Variants in TMEM106C observed in about 807,000 individuals in gnomAD.
TMEM106C encodes the protein transmembrane protein 106C.
TMEM106C carries 27 observed loss-of-function variants against 30.8 expected under a neutral mutation model. The observed-to-expected ratio is 0.88, with a 90% CI of 0.65 to 1.21. The LOEUF is 1.21. TMEM106C is among the 50% of genes most tolerant of loss of function. The probability of loss-of-function intolerance (pLI) is 0.00; values close to 1 mark genes in which losing one functional copy is unlikely to be tolerated. For synonymous variants in TMEM106C, 123 were observed against 118.8 expected (o/e 1.04, Z -0.23); for missense variants, 288 against 307.8 (o/e 0.94, Z 0.48).
intron 1 of TMEM106C, 90 bp from the exon 2 acceptor site, chr12:47,964,119 T>C (rs1938139320): frequency 8.7e-7 from 1 of 1,152,986 alleles, no homozygotes; most frequent in Admixed American, 2.2e-5. Context: ...CAACTTGTCA[T>C]TTTTGCGTTT....
At position 47,966,071 on chromosome 12, in the gene TMEM106C, T is replaced by C; in HGVS notation, c.412-18T>C. 1 of 1,614,266 alleles carries C rather than the reference T, an allele frequency of 6.2e-7. No homozygotes were observed. Among genetic ancestry groups the C allele is most frequent in the South Asian group, 1.1e-5 (1 of 91,090 alleles). ...ACCCAGGACACTTACACTTGTTTCC[T>C]GACTTGCCCTGATGTAGGCCACCCT... On this transcript the variant is annotated intron_variant, in intron 4 of 7. Coordinates refer to ENST00000429772, the MANE Select transcript of TMEM106C (RefSeq NM_001143842.2).
rs1384662613 is a variant in TMEM106C, at chr12:47,968,871, T to C, written c.*642T>C. On this transcript the variant is annotated 3_prime_UTR_variant, in exon 8 of 8. Transcript: ENST00000429772. Reference sequence around the variant, plus strand: ...TTTGATAGAAAAATAAACCCTGCTTTTGATTCATCTGTGTCTCCTCTGATT... The same window carrying C: ...TTTGATAGAAAAATAAACCCTGCTTCTGATTCATCTGTGTCTCCTCTGATT... The C allele has an allele frequency of 1.3e-5, 2 of 157,730 alleles. No individual in the cohort carries two copies. The highest frequency in any genetic ancestry group is 6.2e-5 in the Admixed American group (1 of 16,120). The allele number at this position is 157,730 out of a possible 1,614,324, so 9.8% of individuals were successfully genotyped here. A position where few individuals can be genotyped will look rare whatever the true frequency, so the allele number is the denominator to read the frequency against.
chr12:47,963,832 A>AG, intron 1 of TMEM106C, 128 bp downstream of exon 1: 1 of 259,830 alleles, frequency 3.8e-6, no homozygotes, highest in Non-Finnish European at 7.5e-6. Context: ...GGAATCGTTA[A>AG]GGCCGGTTAT....
chr12:47,966,789 C>A, intron 6 of TMEM106C, 57 bp downstream of exon 6: 1 of 1,589,342 alleles, frequency 6.3e-7, no homozygotes, highest in South Asian at 1.1e-5. Context: ...GATTCAAAGT[C>A]ATACTCCATT....
Position 47,967,164 on chromosome 12 carries a change from T to TAAAAAAAAAA in TMEM106C, c.603-40_603-31dup. 2.8e-6 allele frequency: 4 copies of TAAAAAAAAAA among 1,418,860 alleles called. No homozygotes were observed. In the South Asian group the frequency reaches 3.5e-5, roughly 12 times the overall value. The allele number at this position is 1,418,860 out of a possible 1,614,324, so 87.9% of individuals were successfully genotyped here. On this transcript the variant is annotated intron_variant, in intron 6 of 7. Transcript: ENST00000429772. ...ACTCTGCACTCTTCTACTGAGGCTTTAAAAAAAAAAAAACTGACTATTTCC... is the reference window on the plus strand; with the variant it reads ...ACTCTGCACTCTTCTACTGAGGCTTTAAAAAAAAAAAAAAAAAAAAAAACTGACTATTTCC...
At chr12:47,967,771 G>A (rs1411748176) in intron 7 of TMEM106C, among the ~76,000 whole-genome samples, 3 of 152,112 alleles carry the variant, frequency 2.0e-5, no homozygotes, top group Non-Finnish European at 4.4e-5. Flanking sequence ...TTGTTGTAGG[G>A]GGCTGTTCTG....
At chr12:47,965,727 T>C (rs1446867430) in intron 3 of TMEM106C, 111 bp from the exon 4 acceptor site, 3 of 1,384,392 alleles carry the variant, frequency 2.2e-6, no homozygotes, top group Non-Finnish European at 2.0e-6. Context: ...TTCCTGGCTC[T>C]TGGAACTTCC....
Position 47,965,209 on chromosome 12 carries a change from G to A in TMEM106C, c.188-73G>A, listed in dbSNP as rs1171826153. The A allele has an allele frequency of 5.8e-6, 7 of 1,209,148 alleles. No individual in the cohort carries two copies. The South Asian group carries it at 6.5e-5, about 11-fold the overall frequency. The allele number at this position is 1,209,148 out of a possible 1,614,324, so 74.9% of individuals were successfully genotyped here. A position where few individuals can be genotyped will look rare whatever the true frequency, so the allele number is the denominator to read the frequency against. The stretch of plus-strand genomic sequence containing the variant: ...TTCCAGAAGAATATTTGTTGTGGCA[G>A]GCTCAAGTGAGACGTGAAGGAAGTA... On this transcript the variant is annotated intron_variant, in intron 2 of 7. Coordinates refer to ENST00000429772, the MANE Select transcript of TMEM106C (RefSeq NM_001143842.2).
In TMEM106C at chr12:47,965,346, G is replaced by GT. The variant is rs747757522; in HGVS notation, c.251+2dup. 6.2e-7 allele frequency: 1 copy of GT among 1,613,582 alleles called. No homozygotes were observed. Among genetic ancestry groups the GT allele is most frequent in the African/African-American group, 1.3e-5 (1 of 74,914 alleles). ...ATCAGAGATTGCGCCCTCAGCGAAC[G>GT]TGAGTTACCTGCTTCTCACCTGTTA... On this transcript the variant is annotated splice_donor_variant, in intron 3 of 7. Transcript: ENST00000429772. LOFTEE classifies it high-confidence loss of function.
intron 7 of TMEM106C, 139 bp from the exon 8 acceptor site, chr12:47,967,993 CT>C: frequency 1.6e-6 from 1 of 619,928 alleles, no homozygotes; most frequent in Non-Finnish European, 2.9e-6. Context: ...TTCTGGCCTC[CT>C]GGTTACATAA....
chr12:47,967,405 C>A, intron 7 of TMEM106C, 144 bp downstream of exon 7: 1 of 772,910 alleles, frequency 1.3e-6, no homozygotes, highest in South Asian at 1.5e-5. Flanking sequence ...TACAGTAGAC[C>A]CTTGGTGTTC....
At chr12:47,965,165 T>C (rs888808765) in intron 2 of TMEM106C, 117 bp from the exon 3 acceptor site, 1 of 784,700 alleles carries the variant, frequency 1.3e-6, no homozygotes, top group Non-Finnish European at 2.1e-6. Context: ...ATTTCACTAG[T>C]ATTTTTTAAA....
In TMEM106C at chr12:47,964,415, T is replaced by G; in HGVS notation, c.179T>G (p.Ile60Ser). 5 of 1,613,960 alleles carry G rather than the reference T, an allele frequency of 3.1e-6. No homozygotes were observed. The highest frequency in any genetic ancestry group is 4.2e-6 in the Non-Finnish European group (5 of 1,179,942). Residue 60 changes from isoleucine (I) to serine (S), a missense_variant, in exon 2 of 8, where the codon ATT becomes AGT. Physicochemically the swap from Ile to Ser is moderately radical, Grantham distance 142. Transcript: ENST00000429772. The stretch of plus-strand genomic sequence containing the variant: ...CTCACGTGCCAGGGGACAGGCTACA[T>G]TCCAACAGGTGATCATGGAGGGATG... ...TCLTCQGTGY[I>S]PTEQVNELVA...
intron 5 of TMEM106C, 74 bp downstream of exon 5, chr12:47,966,303 G>A (rs952074299): frequency 3.2e-6 from 5 of 1,540,882 alleles, no homozygotes; most frequent in Non-Finnish European, 4.4e-6. Flanking sequence ...TGCCATAGCT[G>A]TGTCACTTTC....
rs1250809255 is a variant in TMEM106C at position 47,968,638 on chromosome 12, G to A, written c.*409G>A. 7.1e-6 allele frequency: 2 copies of A among 280,092 alleles called. No homozygotes were observed. The highest frequency in any genetic ancestry group is 1.4e-5 in the Non-Finnish European group (2 of 143,024). 17.4% of individuals were successfully genotyped at this position (280,092 alleles called of 1,614,324 possible). A position where few individuals can be genotyped will look rare whatever the true frequency, so the allele number is the denominator to read the frequency against. The stretch of plus-strand genomic sequence containing the variant: ...TCATCTGTGCAGAAGTGGCAGCAGA[G>A]AGGGACCATCCAAATACCTAAGAGA... On this transcript the variant is annotated 3_prime_UTR_variant, in exon 8 of 8. Coordinates refer to ENST00000429772, the MANE Select transcript of TMEM106C (RefSeq NM_001143842.2).
Position 47,964,232 on chromosome 12 carries a change from C to G in TMEM106C, c.-5C>G, listed in dbSNP as rs761828222. 2 of 1,611,736 alleles carry G rather than the reference C, an allele frequency of 1.2e-6. No individual in the cohort carries two copies. The highest frequency in any genetic ancestry group is 1.7e-5 in the Admixed American group (1 of 59,688). On this transcript the variant is annotated 5_prime_UTR_variant, in exon 2 of 8. Coordinates refer to ENST00000429772, the MANE Select transcript of TMEM106C (RefSeq NM_001143842.2). ...AGGACATGACACCAGTGGCATATCA[C>G]GGCCATGGGGTCTCAGCATTCCGCT... is the stretch of plus-strand genomic sequence containing the variant.
At position 47,964,372 on chromosome 12, in the gene TMEM106C, A is replaced by G; in HGVS notation, c.136A>G (p.Arg46Gly). ...AQFPYVEFTG[R>G]DSITCLTCQG... ...GTTCCCATATGTGGAATTCACCGGG[A>G]GAGATAGCATCACCTGTCTCACGTG... Residue 46 changes from arginine to glycine, a missense_variant, in exon 2 of 8, where the codon AGA becomes GGA. Arg to Gly is a moderately radical substitution (Grantham distance 125). Transcript: ENST00000429772. 1 of 1,614,154 alleles carries G rather than the reference A, an allele frequency of 6.2e-7. No individual in the cohort carries two copies. Among genetic ancestry groups the G allele is most frequent in the African/African-American group, 1.3e-5 (1 of 75,036 alleles).
intron 6 of TMEM106C, 107 bp from the exon 7 acceptor site, chr12:47,967,101 C>T (rs774866382): frequency 2.2e-5 from 25 of 1,140,514 alleles, no homozygotes; most frequent in Admixed American, 7.0e-5. Context: ...GCACTTAGGT[C>T]GGAAGGGGGA....
intron 1 of TMEM106C, 122 bp from the exon 2 acceptor site, chr12:47,964,087 G>T (rs1395695147): frequency 2.6e-6 from 2 of 756,222 alleles, no homozygotes; most frequent in Admixed American, 4.6e-5. Flanking sequence ...TCGTACAGGT[G>T]TTGGGACCAC....
Sources: allele counts gnomAD v4.1 joint callset (sites outside exome capture counted in the v4.1 genomes callset), GRCh38; gene constraint gnomAD v4.1.1; transcripts MANE v1.5; gene names NCBI Gene and HGNC (gene_info 2026-07-23, HGNC 2026-07-21).